NSD2: variants seen among roughly 807,000 people sequenced by gnomAD.
NSD2 encodes the protein histone-lysine N-methyltransferase NSD2.
In NSD2, 12 loss-of-function variants were observed where a neutral mutation model predicts 139.0. The observed-to-expected ratio is 0.09, with a 90% CI of 0.06 to 0.14. NSD2 has a LOEUF of 0.14. Ranked by LOEUF, NSD2 falls within the 10% of genes least tolerant of loss-of-function variation. The probability of loss-of-function intolerance (pLI) is 1.00; values close to 1 mark genes in which losing one functional copy is unlikely to be tolerated. For synonymous variants in NSD2, 669 were observed against 648.7 expected (o/e 1.03, Z -0.48); for missense variants, 1,155 against 1,745.0 (o/e 0.66, Z 6.02).
At position 1,974,615 on chromosome 4, in the gene NSD2, C is replaced by T. The variant is rs957209443; in HGVS notation, c.3373-248C>T. The T allele has an allele frequency of 1.2e-5, 8 of 641,504 alleles. No homozygotes were observed. Among genetic ancestry groups the T allele is most frequent in the African/African-American group, 3.6e-5 (2 of 55,568 alleles). The allele number at this position is 641,504 out of a possible 1,614,324, so 39.7% of individuals were successfully genotyped here. A position where few individuals can be genotyped will look rare whatever the true frequency, so the allele number is the denominator to read the frequency against. ...TCATGGAGGATGCTGGGAGCTCCAG[C>T]TCCCTGTCCTGTCCTCCCCGGCGCT... On this transcript the variant is annotated intron_variant, in intron 18 of 21. Coordinates refer to ENST00000508803, the MANE Select transcript of NSD2 (RefSeq NM_001042424.3). This position sits in a 1 kb window ranked among gnomAD's most constrained non-coding sequence, Gnocchi z 4.0.
rs117862582 is a variant in NSD2, at chr4:1,881,003, C to T, written c.-30+9461C>T. On this transcript the variant is annotated intron_variant, in intron 1 of 21. Coordinates refer to ENST00000508803, the MANE Select transcript of NSD2 (RefSeq NM_001042424.3). ...TAGTAATTCCTCCCTTTTAGAGGTG[C>T]ATACAGACATTTACTGATGAAATGG... Among the ~76,000 whole-genome samples, 488 of 152,268 alleles carry T rather than the reference C, an allele frequency of 3.2e-3. 22 individuals are homozygous for T. The East Asian group carries it at 0.064, about 20-fold the overall frequency.
intron 11 of NSD2, 121 bp downstream of exon 11, chr4:1,952,352 C>CT: frequency 2.1e-6 from 3 of 1,418,448 alleles, no homozygotes; most frequent in Non-Finnish European, 2.9e-6. Flanking sequence ...CCCCCACCGC[C>CT]TGGCCCTCTC....
chr4:1,946,081 AT>A, intron 9 of NSD2: 1 of 1,031,056 alleles, frequency 9.7e-7, no homozygotes, highest in Non-Finnish European at 1.2e-6. Context: ...TTTAAAAAAA[AT>A]CTATAAATAG....
In NSD2 at chr4:1,948,458, C is replaced by T. The variant is rs912447867; in HGVS notation, c.1882-2614C>T. The T allele has an allele frequency of 1.4e-5, 15 of 1,065,590 alleles. No individual in the cohort carries two copies. Among genetic ancestry groups the T allele is most frequent in the African/African-American group, 6.6e-5 (4 of 60,962 alleles). The allele number at this position is 1,065,590 out of a possible 1,614,324, so 66.0% of individuals were successfully genotyped here. On this transcript the variant is annotated intron_variant, in intron 9 of 21. Coordinates refer to ENST00000508803, the MANE Select transcript of NSD2 (RefSeq NM_001042424.3). This position sits in a 1 kb window ranked among gnomAD's most constrained non-coding sequence, Gnocchi z 4.5. The stretch of plus-strand genomic sequence containing the variant: ...GGCTGGAGTAAGGCTTGCTGTGGGA[C>T]GCCCTCGTACTTTGCTCTCCTTGCG...
rs773520954 is a variant in NSD2, at chr4:1,949,282, G to T, written c.1882-1790G>T. ...TCACAGTGACAGAGCCTTAAAGTGT[G>T]CACTGCTCTGATTAGTGTTCATGAC... is the stretch of plus-strand genomic sequence containing the variant. On this transcript the variant is annotated intron_variant, in intron 9 of 21. Transcript: ENST00000508803. Among the ~76,000 whole-genome samples, 4 of 152,250 alleles carry T rather than the reference G, an allele frequency of 2.6e-5. No homozygotes were observed. In the East Asian group the frequency reaches 7.7e-4, roughly 29 times the overall value.
intron 17 of NSD2, among the ~76,000 whole-genome samples, chr4:1,960,260 G>A (rs2108973808): frequency 6.6e-6 from 1 of 152,334 alleles, no homozygotes; most frequent in Non-Finnish European, 1.5e-5. Flanking sequence ...CATGCCTTAT[G>A]TCAGAATTCT....
intron 3 of NSD2, among the ~76,000 whole-genome samples, chr4:1,905,385 A>G (rs1390002496): frequency 6.6e-6 from 1 of 152,246 alleles, no homozygotes; most frequent in Admixed American, 6.5e-5. Context: ...GAGTCAGGCC[A>G]GACTAGGCCA....
intron 17 of NSD2, among the ~76,000 whole-genome samples, chr4:1,960,384 G>T (rs1171401639): frequency 6.6e-6 from 1 of 152,162 alleles, no homozygotes; most frequent in Admixed American, 6.5e-5. Context: ...CTCTTGTGAG[G>T]GGTGGTCCTG....
chr4:1,924,982 C>G (rs949658712), intron 5 of NSD2, among the ~76,000 whole-genome samples: 1 of 152,186 alleles, frequency 6.6e-6, no homozygotes, highest in African/African-American at 2.4e-5. Context: ...CTGCCCTGCC[C>G]ACCCCTGGTT....
At chr4:1,932,484 C>A (rs1421865416) in intron 6 of NSD2, among the ~76,000 whole-genome samples, 1 of 151,506 alleles carries the variant, frequency 6.6e-6, no homozygotes, top group African/African-American at 2.4e-5. Flanking sequence ...CAGTGGCTCC[C>A]GCCTGTAATC....
intron 11 of NSD2, chr4:1,952,836 C>T (rs1013712054): frequency 2.0e-5 from 25 of 1,239,192 alleles, no homozygotes; most frequent in Non-Finnish European, 2.4e-5. Flanking sequence ...CTCACCGGGC[C>T]CAAGGAGTCT....
Position 1,930,776 on chromosome 4 carries a change from C to T in NSD2, c.1555+6C>T, listed in dbSNP as rs547085494. 115 of 1,611,902 alleles carry T rather than the reference C, an allele frequency of 7.1e-5. No individual in the cohort carries two copies. In the South Asian group the frequency reaches 1.2e-3, roughly 17 times the overall value. ...CCAGGCTGAAGAAGACTCTGGTAAA[C>T]ATAGCATTATGCTGATGTCCTCTGC... On this transcript the variant is annotated splice_donor_region_variant and intron_variant, in intron 6 of 21. Transcript: ENST00000508803.
chr4:1,954,301 T>G lies in NSD2; in HGVS notation c.2338+777T>G, dbSNP rs1457705161. 2.7e-5 allele frequency among the ~76,000 whole-genome samples: 4 copies of G among 150,790 alleles called. No individual in the cohort carries two copies. In the East Asian group the frequency reaches 5.9e-4, roughly 22 times the overall value. ...CGCCTTGCCAATTTTTGTATTTTTT[T>G]GTAGAGATGAGGTTTCACCATGTTG... On this transcript the variant is annotated intron_variant, in intron 12 of 21. Coordinates refer to ENST00000508803, the MANE Select transcript of NSD2 (RefSeq NM_001042424.3).
chr4:1,964,250 A>G (rs1725653320), intron 18 of NSD2, among the ~76,000 whole-genome samples: 1 of 152,200 alleles, frequency 6.6e-6, no homozygotes, highest in Non-Finnish European at 1.5e-5. Context: ...AACAAACAGC[A>G]GCGGAGGTTA....
At chr4:1,892,184 C>T (rs1470289764) in intron 1 of NSD2, 1 of 152,218 alleles carries the variant, frequency 6.6e-6, no homozygotes, top group African/African-American at 2.4e-5. Flanking sequence ...CTCGCCATCA[C>T]CATGTTGCCC....
chr4:1,953,155 T>C (rs780920728), intron 11 of NSD2, 169 bp from the exon 12 acceptor site: 1 of 1,551,490 alleles, frequency 6.4e-7, no homozygotes, highest in South Asian at 1.2e-5. Context: ...GGCTGGATCT[T>C]TTTGCTGGAG....
chr4:1,896,475 C>T (rs1716322493), intron 1 of NSD2, among the ~76,000 whole-genome samples: 1 of 152,262 alleles, frequency 6.6e-6, no homozygotes, highest in African/African-American at 2.4e-5. Flanking sequence ...CCCAAGCCAT[C>T]CTCACACCTC....
intron 3 of NSD2, among the ~76,000 whole-genome samples, chr4:1,906,713 T>C (rs896423957): frequency 6.3e-5 from 9 of 143,830 alleles, no homozygotes; most frequent in African/African-American, 1.8e-4. Context: ...CAGGCTAGAG[T>C]GCACTGGCGC....
chr4:1,882,532 C>T (rs1418217714), intron 1 of NSD2, among the ~76,000 whole-genome samples: 3 of 152,068 alleles, frequency 2.0e-5, no homozygotes, highest in African/African-American at 2.4e-5. Context: ...GGCGTGGTGG[C>T]GGGCGCCTGT....
Sources: gnomAD v4.1 joint callset for allele counts (sites outside exome capture counted in the v4.1 genomes callset) on GRCh38, gnomAD v4.1.1 for gene constraint, Gnocchi (gnomAD v3.1) non-coding constraint, MANE v1.5 for transcripts, NCBI Gene and HGNC (gene_info 2026-07-23, HGNC 2026-07-21) for gene names.